The following NDRG1 variants were observed in gnomAD, a reference collection of about 807,000 sequenced individuals.
NDRG1 encodes the protein N-myc downstream regulated 1.
NDRG1 carries 32 observed loss-of-function variants against 56.9 expected under a neutral mutation model. The ratio of observed to expected loss-of-function variants is 0.56; its 90% confidence interval spans 0.42 to 0.76. The LOEUF (loss-of-function observed/expected upper bound fraction) is 0.76. NDRG1 is among the 30% of genes least tolerant of loss of function. The probability of loss-of-function intolerance (pLI) is 0.00; values close to 1 mark genes in which losing one functional copy is unlikely to be tolerated. For synonymous variants in NDRG1, 211 were observed against 204.1 expected (o/e 1.03, Z -0.29); for missense variants, 507 against 545.7 (o/e 0.93, Z 0.71).
intron 8 of NDRG1, chr8:133,256,373 A>G (rs1207257967): frequency 4.7e-6 from 1 of 212,160 alleles, no homozygotes. Flanking sequence ...TAATATGTGA[A>G]TGGATTCCTA....
chr8:133,275,926 T>C (rs1465199436), intron 3 of NDRG1, among the ~76,000 whole-genome samples: 1 of 152,190 alleles, frequency 6.6e-6, no homozygotes, highest in African/African-American at 2.4e-5. Context: ...ATTCCAGAAT[T>C]TAGGTTCCTG....
chr8:133,238,946 C>T lies in NDRG1; in HGVS notation c.1117G>A (p.Asp373Asn). The T allele has an allele frequency of 1.3e-6, 2 of 1,574,324 alleles. No homozygotes were observed. Among genetic ancestry groups the T allele is most frequent in the Non-Finnish European group, 1.7e-6 (2 of 1,161,056 alleles). Residue 373 changes from aspartate to asparagine, a missense_variant, in exon 16 of 16, where the codon GAC (aspartate) becomes AAC (asparagine). Physicochemically the swap from Asp to Asn is conservative, Grantham distance 23. Transcript: ENST00000323851. Reference sequence around the variant, plus strand: ...GCAGCACCCGAGTTGGGGGTGATGTCCAGGTGGGCCCCCTCGCTGGTGTGC... The same window carrying T: ...GCAGCACCCGAGTTGGGGGTGATGTTCAGGTGGGCCCCCTCGCTGGTGTGC... ...RSHTSEGAHL[D>N]ITPNSGAAGN... is the part of the protein sequence containing the mutation.
At chr8:133,271,778 T>TAAAAAAAAA (rs66733314) in intron 3 of NDRG1, among the ~76,000 whole-genome samples, 1 of 30,468 alleles carries the variant, frequency 3.3e-5, no homozygotes, top group African/African-American at 1.3e-4. Flanking sequence ...AGACCCTGTC[T>TAAAAAAAAA]AAAAAAAAAA....
At chr8:133,258,260 G>A (rs748812308) in intron 7 of NDRG1, 106 bp downstream of exon 7, 16 of 1,117,480 alleles carry the variant, frequency 1.4e-5, no homozygotes, top group Middle Eastern at 3.9e-4. Context: ...TGGAGAATAC[G>A]GGTCATTTCT....
At chr8:133,295,521 A>T (rs1394409201) in intron 1 of NDRG1, among the ~76,000 whole-genome samples, 1 of 152,194 alleles carries the variant, frequency 6.6e-6, no homozygotes, top group African/African-American at 2.4e-5. Context: ...CTGCGTCTCC[A>T]GCCGTGTGTC....
At chr8:133,263,051 T>A (rs1856737018) in intron 4 of NDRG1, among the ~76,000 whole-genome samples, 1 of 152,190 alleles carries the variant, frequency 6.6e-6, no homozygotes, top group African/African-American at 2.4e-5. Context: ...CATCTTTTGT[T>A]ACAGTGGTAA....
intron 3 of NDRG1, among the ~76,000 whole-genome samples, chr8:133,268,327 G>A (rs147033133): frequency 2.0e-4 from 31 of 152,270 alleles, no homozygotes; most frequent in Non-Finnish European, 3.7e-4. Context: ...GACCCCCAGG[G>A]TTGGTGAGAG....
At chr8:133,275,227 C>A (rs1295184523) in intron 3 of NDRG1, among the ~76,000 whole-genome samples, 1 of 152,186 alleles carries the variant, frequency 6.6e-6, no homozygotes, top group Non-Finnish European at 1.5e-5. Flanking sequence ...GGGACGCTTT[C>A]ATCAATCTCT....
chr8:133,281,370 A>AG (rs1285314708), intron 2 of NDRG1, among the ~76,000 whole-genome samples: 1 of 152,022 alleles, frequency 6.6e-6, no homozygotes, highest in African/African-American at 2.4e-5. Flanking sequence ...AAAAAAAAAA[A>AG]AAAAATCTGA....
intron 1 of NDRG1, among the ~76,000 whole-genome samples, chr8:133,294,357 G>C (rs930825040): frequency 6.6e-6 from 1 of 152,208 alleles, no homozygotes; most frequent in African/African-American, 2.4e-5. Flanking sequence ...CAGATGGAGG[G>C]AGACAGTGGC....
intron 3 of NDRG1, among the ~76,000 whole-genome samples, chr8:133,273,566 G>A (rs997226891): frequency 2.0e-5 from 3 of 152,154 alleles, no homozygotes; most frequent in Non-Finnish European, 4.4e-5. Flanking sequence ...AGCCCAGCAC[G>A]GTTTCTGACG....
rs1470873557 is a variant in NDRG1 at position 133,254,608 on chromosome 8, A to G, written c.538-13T>C. On this transcript the variant is annotated splice_polypyrimidine_tract_variant and intron_variant, in intron 8 of 15. Coordinates refer to ENST00000323851, the MANE Select transcript of NDRG1 (RefSeq NM_006096.4). ...TCCATCCTGAGATCTGGAAAGGAGTAAAGTGGGTGGATGAGAAACCAGGAG... is the reference window on the plus strand; with the variant it reads ...TCCATCCTGAGATCTGGAAAGGAGTGAAGTGGGTGGATGAGAAACCAGGAG... The G allele has an allele frequency of 6.2e-7, 1 of 1,613,742 alleles. No individual in the cohort carries two copies. Among genetic ancestry groups the G allele is most frequent in the African/African-American group, 1.3e-5 (1 of 75,054 alleles).
intron 3 of NDRG1, among the ~76,000 whole-genome samples, chr8:133,272,311 GGAGCA>G (rs1563633477): frequency 6.6e-6 from 1 of 152,218 alleles, no homozygotes; most frequent in African/African-American, 2.4e-5. Flanking sequence ...GTGAAGAGAT[GGAGCA>G]GACCCCATCA....
chr8:133,242,723 AAGAAAG>A (rs1855454981), intron 14 of NDRG1, among the ~76,000 whole-genome samples: 1 of 42,170 alleles, frequency 2.4e-5, no homozygotes. Context: ...GGAAGGAAAA[AAGAAAG>A]AAAGGAAGAG....
chr8:133,240,788 A>C (rs1482239575), intron 15 of NDRG1: 1 of 152,340 alleles, frequency 6.6e-6, no homozygotes, highest in Non-Finnish European at 1.5e-5. Flanking sequence ...GCAGAAATCC[A>C]AACCCTGGCG....
At chr8:133,267,384 C>T (rs913951744) in intron 3 of NDRG1, among the ~76,000 whole-genome samples, 6 of 152,280 alleles carry the variant, frequency 3.9e-5, no homozygotes, top group African/African-American at 1.2e-4. Context: ...CTGGGAGCAC[C>T]CGGGCCCGCC....
At chr8:133,259,413 GCTTC>G (rs1586440664) in intron 5 of NDRG1, 183 bp from the exon 6 acceptor site, 1 of 643,982 alleles carries the variant, frequency 1.6e-6, no homozygotes, top group Non-Finnish European at 2.8e-6. Flanking sequence ...TCTATCAATT[GCTTC>G]CTACGCTCCA....
chr8:133,241,955 T>G, intron 15 of NDRG1, 68 bp downstream of exon 15: 1 of 1,582,210 alleles, frequency 6.3e-7, no homozygotes, highest in Non-Finnish European at 8.7e-7. Flanking sequence ...CAAACCTGGC[T>G]CAGGACAGAG....
At chr8:133,241,599 C>T (rs1208540971) in intron 15 of NDRG1, 1 of 289,840 alleles carries the variant, frequency 3.5e-6, no homozygotes, top group East Asian at 8.8e-5. Context: ...CAAAGGAGTA[C>T]TGTGATGGTT....
Sources: allele counts gnomAD v4.1 joint callset (sites outside exome capture counted in the v4.1 genomes callset), GRCh38; gene constraint gnomAD v4.1.1; transcripts MANE v1.5; gene names NCBI Gene and HGNC (gene_info 2026-07-23, HGNC 2026-07-21).